DYRK4: variants seen among roughly 807,000 people sequenced by gnomAD.
DYRK4 encodes dual specificity tyrosine-phosphorylation-regulated kinase 4.
Under a neutral mutation model 68.3 loss-of-function variants are expected in DYRK4, and 64 were observed. The ratio of observed to expected loss-of-function variants is 0.94; its 90% CI spans 0.77 to 1.15. The LOEUF is 1.15. DYRK4 is among the 50% of genes most tolerant of loss of function. The probability of loss-of-function intolerance (pLI) is 0.00; values close to 1 mark genes in which losing one functional copy is unlikely to be tolerated. For missense variants in DYRK4, 740 were observed against 764.7 expected (o/e 0.97, Z 0.38); for synonymous variants, 274 against 289.9 (o/e 0.95, Z 0.56).
intron 10 of DYRK4, chr12:4,602,516 G>T (rs1945093072): frequency 7.7e-7 from 1 of 1,298,996 alleles, no homozygotes. Flanking sequence ...GCGGTTGAGT[G>T]GTGGGATATA....
rs752448032 is a variant in DYRK4, at chr12:4,613,778, C to G, written c.*25C>G. On this transcript the variant is annotated 3_prime_UTR_variant, in exon 15 of 15. Transcript: ENST00000543431. This position sits in a 1 kb window ranked among gnomAD's most constrained non-coding sequence, Gnocchi z 4.0. ...ACCTTTGCTGAGGGTATGTCCTGCT[C>G]CTTTCCACCAGTGATTTGTATTAAG... 2.0e-6 allele frequency: 3 copies of G among 1,479,482 alleles called. No individual in the cohort carries two copies. Among genetic ancestry groups the G allele is most frequent in the Non-Finnish European group, 2.7e-6 (3 of 1,108,022 alleles). 91.6% of individuals were successfully genotyped at this position (1,479,482 alleles called of 1,614,324 possible).
rs563226547 is a variant in DYRK4 at position 4,599,725 on chromosome 12, C to T, written c.1063C>T (p.Gln355Ter). Residue 355 changes from glutamine to a stop codon, truncating the protein, a stop_gained, in exon 10 of 15, where the codon CAA becomes TAA. Transcript: ENST00000543431. LOFTEE classifies it high-confidence loss of function. ...TCTCTAGGAAAATATAGTGCTATAC[C>T]AAAAGGGCCAAGCCTCTGTTAAAGT... Reference protein sequence around the residue: ...DLKPENIVLYQKGQASVKVID... With the variant: ...DLKPENIVLY 1 of 1,613,870 alleles carries T rather than the reference C, an allele frequency of 6.2e-7. No individual in the cohort carries two copies. The highest frequency in any genetic ancestry group is 8.5e-7 in the Non-Finnish European group (1 of 1,179,848).
chr12:4,571,796 TA>T (rs1381088800), intron 2 of DYRK4, among the ~76,000 whole-genome samples: 4 of 152,244 alleles, frequency 2.6e-5, no homozygotes, highest in African/African-American at 9.6e-5. Context: ...CCAGAAAATT[TA>T]AAATTATACT....
chr12:4,592,894 G>A (rs1944972924), intron 5 of DYRK4, 108 bp from the exon 6 acceptor site: 2 of 1,397,320 alleles, frequency 1.4e-6, no homozygotes, highest in Non-Finnish European at 1.9e-6. Flanking sequence ...CCACCCAGCT[G>A]GGGAACAGGC....
At chr12:4,590,909 T>A in intron 4 of DYRK4, 1 of 483,962 alleles carries the variant, frequency 2.1e-6, no homozygotes, top group Non-Finnish European at 3.6e-6. Context: ...CTTCCCATAG[T>A]GAGATGTTGC....
chr12:4,605,728 GGTTTT>G (rs1289976373), intron 11 of DYRK4, among the ~76,000 whole-genome samples: 2 of 68,938 alleles, frequency 2.9e-5, no homozygotes, highest in Non-Finnish European at 5.0e-5. Flanking sequence ...AATAGAGCTG[GGTTTT>G]TTTTTTTTTT....
chr12:4,584,225 C>G (rs1944871677), intron 2 of DYRK4, among the ~76,000 whole-genome samples: 1 of 152,212 alleles, frequency 6.6e-6, no homozygotes, highest in Admixed American at 6.5e-5. Flanking sequence ...CTGGGCTCTA[C>G]TGCTAGGGAG....
intron 10 of DYRK4, among the ~76,000 whole-genome samples, chr12:4,604,536 A>G (rs1363107525): frequency 2.0e-5 from 3 of 152,232 alleles, no homozygotes; most frequent in Non-Finnish European, 4.4e-5. Flanking sequence ...TTCTAACTTG[A>G]TAACTCTCTT....
intron 6 of DYRK4, among the ~76,000 whole-genome samples, chr12:4,594,769 G>A (rs1189415981): frequency 6.6e-6 from 1 of 151,378 alleles, no homozygotes; most frequent in East Asian, 1.9e-4. Context: ...TTCTCCGTAA[G>A]CTCAGAATCA....
chr12:4,592,186 C>T (rs1944963858), intron 5 of DYRK4, among the ~76,000 whole-genome samples: 1 of 152,200 alleles, frequency 6.6e-6, no homozygotes, highest in Non-Finnish European at 1.5e-5. Context: ...ACAGAGCTGC[C>T]ATCTGCCCCC....
intron 8 of DYRK4, 75 bp downstream of exon 8, chr12:4,596,804 T>C: frequency 6.3e-7 from 1 of 1,592,296 alleles, no homozygotes; most frequent in Non-Finnish European, 8.5e-7. Context: ...GTCAGAACAC[T>C]AGATTTCTCT....
At chr12:4,563,141 T>C (rs1290106652) in intron 1 of DYRK4, 1 of 455,994 alleles carries the variant, frequency 2.2e-6, no homozygotes, top group Non-Finnish European at 4.4e-6. Flanking sequence ...ATGTCCTTTG[T>C]CTTGCTTGAG....
intron 2 of DYRK4, among the ~76,000 whole-genome samples, chr12:4,570,187 G>A (rs2137322142): frequency 6.6e-6 from 1 of 152,094 alleles, no homozygotes. Flanking sequence ...GCTGCAGTGA[G>A]CCGTGCTTGC....
rs1472044468 is a variant in DYRK4 at position 4,562,338 on chromosome 12, G to A, written c.38+55G>A. ...AGCAGTCAGGCGCGAGTACGAGGCA[G>A]GCGACGAAGCTTCTGGTCGACGGGG... On this transcript the variant is annotated intron_variant, in intron 1 of 14. Transcript: ENST00000543431. 1.8e-5 allele frequency: 27 copies of A among 1,505,864 alleles called. No homozygotes were observed. In the East Asian group the frequency reaches 6.9e-4, roughly 39 times the overall value. 93.3% of individuals were successfully genotyped at this position (1,505,864 alleles called of 1,614,324 possible).
At chr12:4,574,096 G>A (rs1169180392) in intron 2 of DYRK4, among the ~76,000 whole-genome samples, 6 of 152,076 alleles carry the variant, frequency 3.9e-5, no homozygotes, top group East Asian at 3.9e-4. Context: ...GTGGTGGCGG[G>A]TGCCTGTAAT....
At chr12:4,568,108 C>A in intron 2 of DYRK4, 60 bp downstream of exon 2, 1 of 1,413,380 alleles carries the variant, frequency 7.1e-7, no homozygotes, top group Non-Finnish European at 9.6e-7. Context: ...CCTAGGGACT[C>A]AGGACCCAGT....
rs1945252056 is a variant in DYRK4 at position 4,613,463 on chromosome 12, T to C, written c.1667-52T>C. ...TGTACAACCTAAAGGACAATTAACATATAATCCACATTTGAATCTTGTTCC... is the reference window on the plus strand; with the variant it reads ...TGTACAACCTAAAGGACAATTAACACATAATCCACATTTGAATCTTGTTCC... On this transcript the variant is annotated intron_variant, in intron 14 of 14. Coordinates refer to ENST00000543431, the MANE Select transcript of DYRK4 (RefSeq NM_001394779.1). The surrounding 1 kb of genome is among the most constrained non-coding windows in gnomAD (Gnocchi z 4.0). The C allele has an allele frequency of 3.8e-6, 6 of 1,566,974 alleles. No individual in the cohort carries two copies. Among genetic ancestry groups the C allele is most frequent in the African/African-American group, 2.7e-5 (2 of 73,792 alleles).
rs145017827 is a variant in DYRK4 at position 4,612,994 on chromosome 12, CA to C, written c.1666+277del. 7.0e-3 allele frequency: 2,680 copies of C among 383,172 alleles called. 58 individuals are homozygous for C. Among genetic ancestry groups the C allele is most frequent in the African/African-American group, 0.049 (2,372 of 48,250 alleles). The allele number at this position is 383,172 out of a possible 1,614,324, so 23.7% of individuals were successfully genotyped here. On this transcript the variant is annotated intron_variant, in intron 14 of 14. Coordinates refer to ENST00000543431, the MANE Select transcript of DYRK4 (RefSeq NM_001394779.1). Reference sequence around the variant, plus strand: ...GATTTTCCTTTTCAGGGAAATTTGGCATTAGCCTGGATCTTTTTTGCCCCTT... The same window carrying C: ...GATTTTCCTTTTCAGGGAAATTTGGCTTAGCCTGGATCTTTTTTGCCCCTT...
At chr12:4,575,600 T>C (rs139629330) in intron 2 of DYRK4, among the ~76,000 whole-genome samples, 686 of 151,522 alleles carry the variant, frequency 4.5e-3, no homozygotes, top group African/African-American at 0.015. Context: ...TGAGCCACCG[T>C]GCCCAGCCAA....
Sources: allele counts gnomAD v4.1 joint callset (sites outside exome capture counted in the v4.1 genomes callset), GRCh38; gene constraint gnomAD v4.1.1; non-coding constraint Gnocchi (gnomAD v3.1); transcripts MANE v1.5; gene names NCBI Gene and HGNC (gene_info 2026-07-23, HGNC 2026-07-21).